The following FBXL15 variants were observed in gnomAD, a reference collection of about 807,000 sequenced individuals.
FBXL15 encodes F-box and leucine rich repeat protein 15.
Under a neutral mutation model 23.6 loss-of-function variants are expected in FBXL15, and 19 were observed. The observed-to-expected ratio is 0.81, with a 90% CI of 0.56 to 1.18. The LOEUF is 1.18. Ranked by LOEUF, FBXL15 falls within the 50% of genes most tolerant of loss-of-function variation. The probability of loss-of-function intolerance (pLI) is 0.00; values close to 1 mark genes in which losing one functional copy is unlikely to be tolerated. For synonymous variants in FBXL15, 224 were observed against 207.7 expected (o/e 1.08, Z -0.67); for missense variants, 385 against 425.4 (o/e 0.91, Z 0.83).
chr10:102,421,275 G>A (rs2061558299), intron 1 of FBXL15, 79 bp from the exon 2 acceptor site: 3 of 1,568,218 alleles, frequency 1.9e-6, no homozygotes, highest in Non-Finnish European at 2.6e-6. Context: ...TGGGAGCTGG[G>A]GCGCAGGAAC....
intron 1 of FBXL15, 45 bp downstream of exon 1, chr10:102,421,227 A>G (rs1243144151): frequency 6.3e-7 from 1 of 1,591,638 alleles, no homozygotes; most frequent in Non-Finnish European, 8.5e-7. Flanking sequence ...AACCTGAGGG[A>G]GGGGAGCCGA....
rs1565234431 is a variant in FBXL15 at position 102,421,517 on chromosome 10, GGGC to G, written c.207+11_207+13del. ...CTTCGATGCCGCGCAGGTGAGCCGG[GGGC>G]TGAAGCCCCGCCCCTGCCTGGGTAC... On this transcript the variant is annotated intron_variant, in intron 2 of 3. Transcript: ENST00000369956. 6.9e-6 allele frequency: 10 copies of G among 1,455,174 alleles called. No individual in the cohort carries two copies. In the Admixed American group the frequency reaches 1.0e-4, roughly 15 times the overall value. The allele number at this position is 1,455,174 out of a possible 1,614,324, so 90.1% of individuals were successfully genotyped here. A position where few individuals can be genotyped will look rare whatever the true frequency, so the allele number is the denominator to read the frequency against.
At chr10:102,421,303 G>T in intron 1 of FBXL15, 51 bp from the exon 2 acceptor site, 4 of 1,555,356 alleles carry the variant, frequency 2.6e-6, no homozygotes, top group Non-Finnish European at 3.5e-6. Context: ...AGGCGGACTC[G>T]CAGGTAATAG....
Position 102,422,120 on chromosome 10 carries a change from G to A in FBXL15, c.541G>A (p.Asp181Asn). The part of the protein sequence containing the change: ...LDLTACRQLK[D>N]EAIVYLAQRR... ...TCTCACCGCCTGCCGCCAGCTCAAG[G>A]ACGAGGCCATCGTGTACCTGGCGCA... Residue 181 changes from aspartate (D) to asparagine (N), a missense_variant, in exon 3 of 4, where the codon GAC (aspartate) becomes AAC (asparagine). Asp to Asn is a conservative substitution (Grantham distance 23). Transcript: ENST00000369956. 1.3e-6 allele frequency: 2 copies of A among 1,561,628 alleles called. No homozygotes were observed. The highest frequency in any genetic ancestry group is 8.7e-7 in the Non-Finnish European group (1 of 1,154,290).
Position 102,421,337 on chromosome 10 carries a change from C to T in FBXL15, c.54-17C>T. 6.4e-7 allele frequency: 1 copy of T among 1,552,304 alleles called. No individual in the cohort carries two copies. Among genetic ancestry groups the T allele is most frequent in the Non-Finnish European group, 8.7e-7 (1 of 1,150,518 alleles). ...AGTGGCCCCGGGACGCCAGTGCCAA[C>T]GCCCCTTTACTCGCAGGTTCCTGGA... On this transcript the variant is annotated splice_polypyrimidine_tract_variant and intron_variant, in intron 1 of 3. Transcript: ENST00000369956.
chr10:102,420,862 GGAC>G lies in FBXL15; in HGVS notation c.-264_-262del. On this transcript the variant is annotated 5_prime_UTR_variant, in exon 1 of 4. Coordinates refer to ENST00000369956, the MANE Select transcript of FBXL15 (RefSeq NM_024326.4). ...CTCAGAGGCGGCTACTGGCTCAAGA[GGAC>G]GACAGAAGCCAGTCTCTGATGCCCA... 3.7e-6 allele frequency: 5 copies of G among 1,352,146 alleles called. No homozygotes were observed. Among genetic ancestry groups the G allele is most frequent in the Non-Finnish European group, 3.8e-6 (4 of 1,049,894 alleles). The allele number at this position is 1,352,146 out of a possible 1,614,324, so 83.8% of individuals were successfully genotyped here.
chr10:102,422,819 C>T lies in FBXL15; in HGVS notation c.729C>T (p.Tyr243=), dbSNP rs745998780. The T allele has an allele frequency of 6.2e-7, 1 of 1,605,722 alleles. No homozygotes were observed. Among genetic ancestry groups the T allele is most frequent in the South Asian group, 1.1e-5 (1 of 90,802 alleles). The change falls in exon 4 of 4, where the codon TAC becomes TAT. Residue 243 remains tyrosine, a synonymous_variant. Coordinates refer to ENST00000369956, the MANE Select transcript of FBXL15 (RefSeq NM_024326.4). ...GSDGVRTLAE[Y]CPVLRSLRVR... is the part of the protein sequence containing the mutation. ...CCTCCCTCAGGACATTGGCCGAGTACTGCCCCGTGCTGCGTTCGCTGCGGG... is the reference window on the plus strand; with the variant it reads ...CCTCCCTCAGGACATTGGCCGAGTATTGCCCCGTGCTGCGTTCGCTGCGGG...
At chr10:102,422,558 C>T (rs1339465141) in intron 3 of FBXL15, among the ~76,000 whole-genome samples, 2 of 152,202 alleles carry the variant, frequency 1.3e-5, no homozygotes, top group African/African-American at 4.8e-5. Flanking sequence ...GGAGATCTTG[C>T]AATCCTAGGC....
chr10:102,423,060 T>A lies in FBXL15; in HGVS notation c.*67T>A. ...GCCTGACACTGAGCTGTAGGGAAAC[T>A]GAACTGTGAGGACCTCTGGTGAGAG... On this transcript the variant is annotated 3_prime_UTR_variant, in exon 4 of 4. Coordinates refer to ENST00000369956, the MANE Select transcript of FBXL15 (RefSeq NM_024326.4). The surrounding 1 kb of genome is among the most constrained non-coding windows in gnomAD (Gnocchi z 5.6). 6.9e-7 allele frequency: 1 copy of A among 1,448,134 alleles called. No homozygotes were observed. Among genetic ancestry groups the A allele is most frequent in the Non-Finnish European group, 9.2e-7 (1 of 1,084,754 alleles). 89.7% of individuals were successfully genotyped at this position (1,448,134 alleles called of 1,614,324 possible). A position where few individuals can be genotyped will look rare whatever the true frequency, so the allele number is the denominator to read the frequency against.
In FBXL15 at chr10:102,421,446, G is replaced by T; in HGVS notation, c.146G>T (p.Arg49Leu). ...RQLLRLQRVS[R>L]AFRSLVQLHL... ...CTGCTCCGGCTGCAGCGCGTTAGCC[G>T]GGCCTTCCGGTCGCTGGTGCAGCTT... Residue 49 changes from arginine to leucine, a missense_variant, in exon 2 of 4, where the codon CGG (arginine) becomes CTG (leucine). By Grantham distance (102) the Arg-to-Leu change is moderately radical. Transcript: ENST00000369956. 6.5e-7 allele frequency: 1 copy of T among 1,540,550 alleles called. No homozygotes were observed. The highest frequency in any genetic ancestry group is 8.7e-7 in the Non-Finnish European group (1 of 1,145,764).
Position 102,421,410 on chromosome 10 carries a change from C to A in FBXL15, c.110C>A (p.Pro37Gln). 1 of 1,569,138 alleles carries A rather than the reference C, an allele frequency of 6.4e-7. No homozygotes were observed. The highest frequency in any genetic ancestry group is 2.4e-5 in the East Asian group (1 of 42,292). ...CTCCCACACGTCCTGAACCGGGTCC[C>A]GCTGCGCCAGCTGCTCCGGCTGCAG... is the stretch of plus-strand genomic sequence containing the variant. ...VLLPHVLNRV[P>Q]LRQLLRLQRV... The change falls in exon 2 of 4, where the codon CCG becomes CAG. Residue 37 changes from proline (P) to glutamine (Q), a missense_variant. Physicochemically the swap from Pro to Gln is moderately conservative, Grantham distance 76. This residue lies in a region of FBXL15 where 130 missense variants were observed against 95.1 expected (regional missense o/e 1.37). Transcript: ENST00000369956.
chr10:102,422,973 T>C lies in FBXL15; in HGVS notation c.883T>C (p.Phe295Leu), dbSNP rs1299020565. 1 of 1,566,454 alleles carries C rather than the reference T, an allele frequency of 6.4e-7. No homozygotes were observed. The highest frequency in any genetic ancestry group is 8.7e-7 in the Non-Finnish European group (1 of 1,155,814). ...LLQDMAGFAP[F>L]VNLQV ...GCAGGATATGGCGGGCTTCGCACCT[T>C]TTGTCAACCTGCAGGTCTGACCCGC... The change falls in exon 4 of 4, where the codon TTT (phenylalanine) becomes CTT (leucine). Residue 295 changes from phenylalanine to leucine, a missense_variant. Physicochemically the swap from Phe to Leu is conservative, Grantham distance 22 (BLOSUM62 0). This residue lies in a region of FBXL15 where 255 missense variants were observed against 330.2 expected (regional missense o/e 0.77). Coordinates refer to ENST00000369956, the MANE Select transcript of FBXL15 (RefSeq NM_024326.4).
chr10:102,420,852 T>C lies in FBXL15; in HGVS notation c.-278T>C. ...CACCACTTCGCTCAGAGGCGGCTAC[T>C]GGCTCAAGAGGACGACAGAAGCCAG... On this transcript the variant is annotated 5_prime_UTR_variant, in exon 1 of 4. Coordinates refer to ENST00000369956, the MANE Select transcript of FBXL15 (RefSeq NM_024326.4). 7.5e-7 allele frequency: 1 copy of C among 1,330,340 alleles called. No individual in the cohort carries two copies. Among genetic ancestry groups the C allele is most frequent in the Non-Finnish European group, 9.6e-7 (1 of 1,037,270 alleles). The allele number at this position is 1,330,340 out of a possible 1,614,324, so 82.4% of individuals were successfully genotyped here.
At position 102,421,149 on chromosome 10, in the gene FBXL15, C is replaced by G. The variant is rs1290453489; in HGVS notation, c.20C>G (p.Pro7Arg). The G allele has an allele frequency of 3.1e-6, 5 of 1,611,250 alleles. No individual in the cohort carries two copies. The highest frequency in any genetic ancestry group is 4.2e-6 in the Non-Finnish European group (5 of 1,178,900). The change falls in exon 1 of 4, where the codon CCG becomes CGG. Residue 7 changes from proline to arginine, a missense_variant. Pro to Arg is a moderately radical substitution (Grantham distance 103). Transcript: ENST00000369956. Reference sequence around the variant, plus strand: ...CAGCCGATGGAGCCACCGATGGAGCCGTCCGGAGGGGAGCAAGAGCCCGGA... The same window carrying G: ...CAGCCGATGGAGCCACCGATGGAGCGGTCCGGAGGGGAGCAAGAGCCCGGA... MEPPME[P>R]SGGEQEPGAV...
At chr10:102,421,227 AG>A in intron 1 of FBXL15, 45 bp downstream of exon 1, 2 of 1,591,638 alleles carry the variant, frequency 1.3e-6, no homozygotes, top group Non-Finnish European at 1.7e-6. Flanking sequence ...AACCTGAGGG[AG>A]GGGAGCCGAG....
chr10:102,421,230 G>C, intron 1 of FBXL15, 48 bp downstream of exon 1: 1 of 1,591,746 alleles, frequency 6.3e-7, no homozygotes, highest in Non-Finnish European at 8.5e-7. Flanking sequence ...CTGAGGGAGG[G>C]GAGCCGAGCC....
At position 102,423,006 on chromosome 10, in the gene FBXL15, TCGGAGCACAGCTGGA is replaced by T; in HGVS notation, c.*15_*29del. 1 of 1,532,932 alleles carries T rather than the reference TCGGAGCACAGCTGGA, an allele frequency of 6.5e-7. No individual in the cohort carries two copies. The highest frequency in any genetic ancestry group is 8.8e-7 in the Non-Finnish European group (1 of 1,137,204). The allele number at this position is 1,532,932 out of a possible 1,614,324, so 95.0% of individuals were successfully genotyped here. On this transcript the variant is annotated 3_prime_UTR_variant, in exon 4 of 4. Coordinates refer to ENST00000369956, the MANE Select transcript of FBXL15 (RefSeq NM_024326.4). This position sits in a 1 kb window ranked among gnomAD's most constrained non-coding sequence, Gnocchi z 5.6. ...CCTGCAGGTCTGACCCGCCTGCCAA[TCGGAGCACAGCTGGA>T]CTGTGTGGCTGGGGCCTGACACTGA...
At chr10:102,422,764 G>C (rs1438282577) in intron 3 of FBXL15, 40 bp from the exon 4 acceptor site, 4 of 1,565,758 alleles carry the variant, frequency 2.6e-6, no homozygotes, top group African/African-American at 2.7e-5. Flanking sequence ...CAAAGGTGTG[G>C]TGGCCTCATG....
chr10:102,421,636 C>G, intron 2 of FBXL15, 129 bp downstream of exon 2: 3 of 1,423,302 alleles, frequency 2.1e-6, no homozygotes, highest in Non-Finnish European at 2.8e-6. Flanking sequence ...ATCCACGCAC[C>G]AAAGGGCAAA....
Sources: allele counts gnomAD v4.1 joint callset (sites outside exome capture counted in the v4.1 genomes callset), GRCh38; gene constraint gnomAD v4.1.1; regional missense constraint gnomAD v4.1.1; non-coding constraint Gnocchi (gnomAD v3.1); transcripts MANE v1.5; gene names NCBI Gene and HGNC (gene_info 2026-07-23, HGNC 2026-07-21).